The following ACOXL variants were observed in gnomAD, a reference collection of about 807,000 sequenced individuals.
ACOXL encodes the protein acyl-coenzyme A oxidase-like protein.
ACOXL carries 70 observed loss-of-function variants against 71.9 expected under a neutral mutation model. That is an observed-to-expected ratio of 0.97 (90% CI 0.80 to 1.19). The LOEUF (loss-of-function observed/expected upper bound fraction) is 1.19. Ranked by LOEUF, ACOXL falls within the 50% of genes most tolerant of loss-of-function variation. ACOXL has a pLI of 0.00. For synonymous variants in ACOXL, 253 were observed against 281.6 expected (o/e 0.90, Z 1.02); for missense variants, 703 against 736.3 (o/e 0.95, Z 0.52).
At chr2:110,816,277 TAGAG>T (rs1687911110) in intron 9 of ACOXL, among the ~76,000 whole-genome samples, 1 of 151,900 alleles carries the variant, frequency 6.6e-6, no homozygotes, top group African/African-American at 2.4e-5. Context: ...GGTGGATGGA[TAGAG>T]AGATAGATGA....
intron 10 of ACOXL, among the ~76,000 whole-genome samples, chr2:110,873,452 T>C (rs1359817673): frequency 6.6e-6 from 1 of 152,194 alleles, no homozygotes; most frequent in African/African-American, 2.4e-5. Flanking sequence ...AGCAGGATGT[T>C]TGCTGAGCCT....
chr2:110,959,624 A>C (rs1280196943), intron 12 of ACOXL, among the ~76,000 whole-genome samples: 1 of 151,852 alleles, frequency 6.6e-6, no homozygotes, highest in African/African-American at 2.4e-5. Flanking sequence ...TTAGAAGTTC[A>C]CCTCACATCC....
intron 17 of ACOXL, among the ~76,000 whole-genome samples, chr2:111,096,130 C>A (rs2068785736): frequency 6.6e-6 from 1 of 152,156 alleles, no homozygotes; most frequent in Admixed American, 6.5e-5. Flanking sequence ...GATAGCTCTC[C>A]ACATTTACTG....
chr2:110,802,670 TA>T (rs996442867), intron 8 of ACOXL, among the ~76,000 whole-genome samples: 8 of 150,720 alleles, frequency 5.3e-5, no homozygotes, highest in South Asian at 2.1e-4. Flanking sequence ...AAATAAAAGT[TA>T]AAAAAAAATG....
intron 9 of ACOXL, among the ~76,000 whole-genome samples, chr2:110,835,979 G>A (rs1175604135): frequency 6.6e-6 from 1 of 152,200 alleles, no homozygotes; most frequent in Non-Finnish European, 1.5e-5. Flanking sequence ...GAAGAAACAG[G>A]CTGGAAAGGT....
At chr2:111,052,476 G>T (rs568682537) in intron 16 of ACOXL, among the ~76,000 whole-genome samples, 1 of 152,082 alleles carries the variant, frequency 6.6e-6, no homozygotes, top group African/African-American at 2.4e-5. Context: ...ACCAAGCAGA[G>T]GTGGAAGCTG....
In ACOXL at chr2:110,931,817, G is replaced by A. The variant is rs146165307; in HGVS notation, c.906-1672G>A. 4.6e-5 allele frequency among the ~76,000 whole-genome samples: 7 copies of A among 152,250 alleles called. No individual in the cohort carries two copies. In the South Asian group the frequency reaches 8.3e-4, roughly 18 times the overall value. ...AGAACAACTATAATTATTACACACC[G>A]CTGGTAGGAATGTAAAATTGCATAA... On this transcript the variant is annotated intron_variant, in intron 11 of 17. Coordinates refer to ENST00000439055, the MANE Select transcript of ACOXL (RefSeq NM_001142807.4).
intron 1 of ACOXL, among the ~76,000 whole-genome samples, chr2:110,742,076 G>A (rs1203819394): frequency 6.6e-6 from 1 of 152,234 alleles, no homozygotes; most frequent in African/African-American, 2.4e-5. Context: ...AAACAGCACG[G>A]TGAGGAGAGG....
At chr2:111,069,152 T>C (rs978358429) in intron 16 of ACOXL, among the ~76,000 whole-genome samples, 5 of 150,736 alleles carry the variant, frequency 3.3e-5, no homozygotes, top group African/African-American at 9.7e-5. Flanking sequence ...TTTCTTTTTT[T>C]TTTTTTTTTT....
At chr2:110,929,053 A>T (rs1436318731) in intron 11 of ACOXL, among the ~76,000 whole-genome samples, 1 of 152,240 alleles carries the variant, frequency 6.6e-6, no homozygotes, top group Non-Finnish European at 1.5e-5. Context: ...AATTGGTCCC[A>T]GTAGGGTGTT....
At chr2:110,818,565 A>G (rs971114101) in intron 9 of ACOXL, among the ~76,000 whole-genome samples, 2 of 151,348 alleles carry the variant, frequency 1.3e-5, no homozygotes, top group Non-Finnish European at 2.9e-5. Flanking sequence ...ATGTATGTGT[A>G]TATATATGTA....
intron 2 of ACOXL, among the ~76,000 whole-genome samples, chr2:110,775,020 T>C (rs761164547): frequency 2.0e-5 from 3 of 152,182 alleles, no homozygotes; most frequent in African/African-American, 7.2e-5. Flanking sequence ...AAACCTCACA[T>C]AGGTGGTCAA....
At chr2:110,754,687 A>G (rs1426415172) in intron 1 of ACOXL, among the ~76,000 whole-genome samples, 1 of 152,214 alleles carries the variant, frequency 6.6e-6, no homozygotes, top group African/African-American at 2.4e-5. Flanking sequence ...ATTGTTGAGT[A>G]GTATTCCATT....
At chr2:110,740,213 G>T (rs1677346360) in intron 1 of ACOXL, among the ~76,000 whole-genome samples, 1 of 152,216 alleles carries the variant, frequency 6.6e-6, no homozygotes, top group South Asian at 2.1e-4. Flanking sequence ...GTATCTGCAT[G>T]GAAAACGCTG....
At chr2:110,865,136 A>G (rs536790552) in intron 10 of ACOXL, among the ~76,000 whole-genome samples, 47 of 152,372 alleles carry the variant, frequency 3.1e-4, no homozygotes, top group Non-Finnish European at 6.0e-4. Flanking sequence ...GTGAAAATGC[A>G]TGCCAACTGG....
Position 110,955,933 on chromosome 2 carries a change from A to ATTTTTTTTTTTTTTTTTTTTTTTT in ACOXL, c.1059+22314_1059+22315insTTTTTTTTTTTTTTTTTTTTTTTT, listed in dbSNP as rs67285328. Among the ~76,000 whole-genome samples, 3 of 101,780 alleles carry ATTTTTTTTTTTTTTTTTTTTTTTT rather than the reference A, an allele frequency of 2.9e-5. 1 individual carries two copies. The highest frequency in any genetic ancestry group is 5.8e-5 in the Non-Finnish European group (3 of 51,968). 66.8% of individuals were successfully genotyped at this position (101,780 alleles called of 152,430 possible). A position where few individuals can be genotyped will look rare whatever the true frequency, so the allele number is the denominator to read the frequency against. On this transcript the variant is annotated intron_variant, in intron 12 of 17. Transcript: ENST00000439055. ...TTTTCCTTTCTGGAACTTGCCACAG[A>ATTTTTTTTTTTTTTTTTTTTTTTT]TTTTTTTTTTTTTTTTTTTTTTTGA...
intron 1 of ACOXL, among the ~76,000 whole-genome samples, chr2:110,743,523 G>C (rs1194855156): frequency 2.0e-5 from 3 of 152,022 alleles, no homozygotes; most frequent in Non-Finnish European, 4.4e-5. Context: ...AGGGTGCAAG[G>C]GTTTGGAAAA....
At chr2:110,904,367 C>T (rs1280307663) in intron 10 of ACOXL, among the ~76,000 whole-genome samples, 1 of 152,132 alleles carries the variant, frequency 6.6e-6, no homozygotes, top group Non-Finnish European at 1.5e-5. Flanking sequence ...AGCAAACGTT[C>T]CAAGGAGAAG....
chr2:110,986,459 G>A (rs1015610383), intron 12 of ACOXL, among the ~76,000 whole-genome samples: 16 of 152,110 alleles, frequency 1.1e-4, no homozygotes, highest in Non-Finnish European at 2.2e-4. Flanking sequence ...GTCTTCCCTG[G>A]GCTCACTCGT....
Sources: allele counts gnomAD v4.1 joint callset (sites outside exome capture counted in the v4.1 genomes callset), GRCh38; gene constraint gnomAD v4.1.1; transcripts MANE v1.5; gene names NCBI Gene and HGNC (gene_info 2026-07-23, HGNC 2026-07-21).